The following ZNF83 variants were observed in gnomAD, a reference collection of about 807,000 sequenced individuals.
ZNF83 encodes the protein zinc finger protein 816B.
For missense variants in ZNF83, 552 were observed against 629.9 expected, an observed-to-expected ratio of 0.88 and a Z score of 1.32; for synonymous variants, 209 against 213.0, an observed-to-expected ratio of 0.98 and a Z score of 0.17.
At chr19:52,652,855 G>T in intron 3 of ZNF83, 1 of 981,450 alleles carries the variant, frequency 1.0e-6, no homozygotes, top group Non-Finnish European at 1.6e-6. Context: ...TACAAAGGAT[G>T]ACATATGACT....
intron 1 of ZNF83, among the ~76,000 whole-genome samples, chr19:52,671,542 C>G (rs910465167): frequency 5.9e-5 from 9 of 151,968 alleles, no homozygotes; most frequent in South Asian, 4.1e-4. Flanking sequence ...CTCTGGTGCT[C>G]AAGCAATCCT....
In ZNF83 at chr19:52,643,520, T is replaced by C. The variant is rs75476382; in HGVS notation, c.-73-8367A>G. Among the ~76,000 whole-genome samples, 1,092 of 151,984 alleles carry C rather than the reference T, an allele frequency of 7.2e-3. 15 individuals are homozygous for C. Among genetic ancestry groups the C allele is most frequent in the African/African-American group, 0.025 (1,044 of 41,440 alleles). The stretch of plus-strand genomic sequence containing the variant: ...ATTGAGGCCATCCTGGTCAACACAG[T>C]GAAACCCCATCTTTACTAAAAATAC... On this transcript the variant is annotated intron_variant, in intron 3 of 5. Transcript: ENST00000594682.
At chr19:52,623,444 A>C (rs902577855) in intron 2 of ZNF83, among the ~76,000 whole-genome samples, 15 of 152,176 alleles carry the variant, frequency 9.9e-5, no homozygotes, top group Non-Finnish European at 1.8e-4. Context: ...TTTGGTGCCA[A>C]CTTGAACAAT....
At chr19:52,649,938 A>T (rs2061421342) in intron 3 of ZNF83, among the ~76,000 whole-genome samples, 1 of 152,188 alleles carries the variant, frequency 6.6e-6, no homozygotes, top group Non-Finnish European at 1.5e-5. Flanking sequence ...GCCAAGCTTA[A>T]GCCTCCATTT....
chr19:52,655,465 A>G, intron 3 of ZNF83: 1 of 1,150,924 alleles, frequency 8.7e-7, no homozygotes, highest in Non-Finnish European at 1.3e-6. Context: ...CATCAAAAGC[A>G]TGTATGCGGC....
At chr19:52,624,661 G>A (rs11880118) in intron 2 of ZNF83, among the ~76,000 whole-genome samples, 34,531 of 152,020 alleles carry the variant, frequency 0.23, 3,959 homozygotes, top group South Asian at 0.28. Context: ...TTGTGCAGTC[G>A]GAATTCTTAC....
chr19:52,661,259 T>C (rs918222591), intron 1 of ZNF83, among the ~76,000 whole-genome samples: 7 of 152,166 alleles, frequency 4.6e-5, no homozygotes, highest in African/African-American at 1.7e-4. Context: ...TACTGCCCAC[T>C]GCACCAGAGA....
At chr19:52,625,398 C>A (rs148589035) in intron 2 of ZNF83, among the ~76,000 whole-genome samples, 1 of 152,110 alleles carries the variant, frequency 6.6e-6, no homozygotes, top group Non-Finnish European at 1.5e-5. Context: ...CCGCATTCTC[C>A]TTATGTCAAG....
chr19:52,665,436 A>G (rs2061637164), intron 1 of ZNF83, among the ~76,000 whole-genome samples: 1 of 151,972 alleles, frequency 6.6e-6, no homozygotes, highest in South Asian at 2.1e-4. Flanking sequence ...AAAAAAAAGC[A>G]CTGACCTTGT....
rs867037541 is a variant in ZNF83, at chr19:52,657,847, A to G, written c.-200-2160T>C. ...GGGCAACAAGAGAAAAACTCTGTCT[A>G]AAAAAAAAAACAGGCATGGTGGCTC... On this transcript the variant is annotated intron_variant, in intron 2 of 5. Coordinates refer to the ZNF83 transcript ENST00000594682. Among the ~76,000 whole-genome samples, 32 of 143,476 alleles carry G rather than the reference A, an allele frequency of 2.2e-4. 1 individual carries two copies. Among genetic ancestry groups the G allele is most frequent in the South Asian group, 1.1e-3 (5 of 4,466 alleles). The allele number at this position is 143,476 out of a possible 152,430, so 94.1% of individuals were successfully genotyped here.
chr19:52,668,526 G>C (rs12974376), intron 1 of ZNF83, among the ~76,000 whole-genome samples: 2 of 152,012 alleles, frequency 1.3e-5, no homozygotes, highest in African/African-American at 4.8e-5. Context: ...CTTCTTTAGG[G>C]TGTGCTTTTT....
chr19:52,616,880 G>A (rs1568530209), intron 2 of ZNF83: 1 of 152,128 alleles, frequency 6.6e-6, no homozygotes, highest in Admixed American at 6.6e-5. Context: ...CATGTCCTTT[G>A]TAGGGACATG....
intron 2 of ZNF83, among the ~76,000 whole-genome samples, chr19:52,629,660 T>C (rs1173725459): frequency 2.6e-5 from 4 of 152,188 alleles, no homozygotes; most frequent in Admixed American, 2.6e-4. Context: ...TTTTTCTTTA[T>C]TCCAAATCAG....
At chr19:52,688,297 A>T (rs1025761497) in intron 1 of ZNF83, among the ~76,000 whole-genome samples, 1 of 151,420 alleles carries the variant, frequency 6.6e-6, no homozygotes, top group Non-Finnish European at 1.5e-5. Context: ...TGGCCTCCAG[A>T]GTAGCTGGGA....
At chr19:52,689,522 C>G (rs565310319) in intron 1 of ZNF83, among the ~76,000 whole-genome samples, 1 of 152,174 alleles carries the variant, frequency 6.6e-6, no homozygotes, top group East Asian at 1.9e-4. Flanking sequence ...CTCCCTCACC[C>G]TGATGAGCCT....
At position 52,689,346 on chromosome 19, in the gene ZNF83, C is replaced by T. The variant is rs535221266; in HGVS notation, c.-283+1097G>A. ...TTCCGCCTCTTCTCCCATCTCAGCGCCTCCTCTGCTCTCCCTGTTACATTC... is the reference window on the plus strand; with the variant it reads ...TTCCGCCTCTTCTCCCATCTCAGCGTCTCCTCTGCTCTCCCTGTTACATTC... On this transcript the variant is annotated intron_variant, in intron 1 of 5. Coordinates refer to the ZNF83 transcript ENST00000594682. Among the ~76,000 whole-genome samples, 50 of 152,152 alleles carry T rather than the reference C, an allele frequency of 3.3e-4. No homozygotes were observed. In the South Asian group the frequency reaches 8.5e-3, roughly 26 times the overall value.
intron 2 of ZNF83, among the ~76,000 whole-genome samples, chr19:52,633,478 C>G (rs569685591): frequency 1.6e-5 from 2 of 122,778 alleles, no homozygotes; most frequent in Admixed American, 1.5e-4. Context: ...GAGACTTGCT[C>G]TGATAACCTG....
intron 1 of ZNF83, chr19:52,636,547 T>C (rs1322392976): frequency 6.6e-6 from 1 of 152,160 alleles, no homozygotes; most frequent in Non-Finnish European, 1.5e-5. Context: ...CTCAATCTCA[T>C]CTGTATAATT....
chr19:52,618,243 C>T (rs561352002), intron 2 of ZNF83, among the ~76,000 whole-genome samples: 1 of 151,820 alleles, frequency 6.6e-6, no homozygotes, highest in African/African-American at 2.4e-5. Context: ...AGACATGTGC[C>T]ATCACGCCTG....
Sources: allele counts gnomAD v4.1 joint callset (sites outside exome capture counted in the v4.1 genomes callset), GRCh38; gene constraint gnomAD v4.1.1; transcripts MANE v1.5; gene names NCBI Gene and HGNC (gene_info 2026-07-23, HGNC 2026-07-21).